TMEM25: variants seen among roughly 807,000 people sequenced by gnomAD.
TMEM25 encodes the protein transmembrane protein 25.
In TMEM25, 36 loss-of-function variants were observed where a neutral mutation model predicts 37.0. The ratio of observed to expected loss-of-function variants is 0.97; its 90% CI spans 0.75 to 1.28. TMEM25 has a LOEUF of 1.28. TMEM25 is among the 50% of genes most tolerant of loss of function. The pLI is 0.00. For missense variants in TMEM25, 444 were observed against 477.9 expected (o/e 0.93, Z 0.66); for synonymous variants, 197 against 203.7 (o/e 0.97, Z 0.28).
chr11:118,534,517 C>G lies in TMEM25; in HGVS notation c.1038C>G (p.Arg346=). The part of the protein sequence containing the change: ...GGLLTSQGFI[R]LPVLGYIYRV... ...TCTTTGATCCCGCAGGTTTCATCCG[C>G]CTCCCAGTGCTGGGCTATATCTATC... Residue 346 remains arginine (R), a synonymous_variant, in exon 9 of 9, where the codon CGC becomes CGG. Coordinates refer to ENST00000313236, the MANE Select transcript of TMEM25 (RefSeq NM_032780.4). The surrounding 1 kb of genome is among the most constrained non-coding windows in gnomAD (Gnocchi z 4.6). 6.2e-7 allele frequency: 1 copy of G among 1,614,244 alleles called. No individual in the cohort carries two copies. The highest frequency in any genetic ancestry group is 8.5e-7 in the Non-Finnish European group (1 of 1,180,044).
At chr11:118,533,924 G>A (rs368260015) in intron 6 of TMEM25, 37 bp downstream of exon 6, 21 of 1,613,976 alleles carry the variant, frequency 1.3e-5, no homozygotes, top group African/African-American at 5.3e-5. Flanking sequence ...AAGCCTAACC[G>A]AAATGCAGGA....
chr11:118,544,135 A>G (rs1288478492), intron 8 of TMEM25, among the ~76,000 whole-genome samples: 1 of 152,168 alleles, frequency 6.6e-6, no homozygotes, highest in Admixed American at 6.6e-5. Flanking sequence ...AATAACTAGC[A>G]TGGTTTCAGA....
At chr11:118,541,195 G>C (rs1359912749) in intron 8 of TMEM25, among the ~76,000 whole-genome samples, 1 of 152,156 alleles carries the variant, frequency 6.6e-6, no homozygotes, top group Non-Finnish European at 1.5e-5. Context: ...AGGCGCCGTG[G>C]CTCATGCCTG....
downstream of TMEM25, chr11:118,546,685 G>C (rs1407775137): frequency 1.3e-5 from 2 of 153,994 alleles, no homozygotes; most frequent in African/African-American, 2.4e-5. Flanking sequence ...TATGGAATTG[G>C]TCATATGTTT....
At chr11:118,543,248 C>A (rs1480778469) in intron 8 of TMEM25, among the ~76,000 whole-genome samples, 1 of 152,144 alleles carries the variant, frequency 6.6e-6, no homozygotes, top group Non-Finnish European at 1.5e-5. Context: ...TCCTTAAACT[C>A]AAGCATGATG....
chr11:118,542,838 A>C (rs1591352410), intron 8 of TMEM25, among the ~76,000 whole-genome samples: 1 of 149,486 alleles, frequency 6.7e-6, no homozygotes, highest in Non-Finnish European at 1.5e-5. Context: ...GCTTGAACCC[A>C]GAAGGCAGAG....
downstream of TMEM25, chr11:118,546,545 C>T (rs1951691208): frequency 4.8e-6 from 1 of 208,910 alleles, no homozygotes; most frequent in Admixed American, 5.2e-5. Context: ...TGATCTTGGA[C>T]TACTACTGGA....
intron 8 of TMEM25, among the ~76,000 whole-genome samples, chr11:118,541,305 A>G (rs1317884853): frequency 6.6e-6 from 1 of 151,998 alleles, no homozygotes; most frequent in Admixed American, 6.6e-5. Context: ...TACTAAAAAT[A>G]CAAAAAATTA....
At position 118,535,786 on chromosome 11, in the gene TMEM25, C is replaced by A; in HGVS notation, c.*1206C>A. On this transcript the variant is annotated 3_prime_UTR_variant, in exon 9 of 9. Coordinates refer to ENST00000313236, the MANE Select transcript of TMEM25 (RefSeq NM_032780.4). ...ATGTTTTTCATGTTACTGCCTAGGG[C>A]GGTGCTGAGCACACAGCAAGTTTAA... is the stretch of plus-strand genomic sequence containing the variant. 1 of 1,300,290 alleles carries A rather than the reference C, an allele frequency of 7.7e-7. No individual in the cohort carries two copies. The highest frequency in any genetic ancestry group is 9.7e-7 in the Non-Finnish European group (1 of 1,026,330). 80.5% of individuals were successfully genotyped at this position (1,300,290 alleles called of 1,614,324 possible). A position where few individuals can be genotyped will look rare whatever the true frequency, so the allele number is the denominator to read the frequency against.
At chr11:118,532,038 C>T (rs566218899) in intron 2 of TMEM25, 112 bp from the exon 3 acceptor site, 3 of 1,377,714 alleles carry the variant, frequency 2.2e-6, no homozygotes, top group African/African-American at 1.5e-5. Flanking sequence ...GGTGAGAGGA[C>T]TCAGGTGCCC....
Position 118,532,195 on chromosome 11 carries a change from A to G in TMEM25, c.116A>G (p.Glu39Gly). The G allele has an allele frequency of 6.2e-7, 1 of 1,603,508 alleles. No homozygotes were observed. The highest frequency in any genetic ancestry group is 8.5e-7 in the Non-Finnish European group (1 of 1,174,174). The change falls in exon 3 of 9, where the codon GAG becomes GGG. Residue 39 changes from glutamate (E) to glycine (G), a missense_variant. Transcript: ENST00000313236. Reference sequence around the variant, plus strand: ...CAAATAGATGGTCAGACCTGGGCTGAGCGGGCACTTCGGGAGAATGAACGC... The same window carrying G: ...CAAATAGATGGTCAGACCTGGGCTGGGCGGGCACTTCGGGAGAATGAACGC... ...EPQIDGQTWA[E>G]RALRENERHA...
At chr11:118,544,996 C>A in intron 8 of TMEM25, 10 of 1,612,046 alleles carry the variant, frequency 6.2e-6, no homozygotes, top group South Asian at 1.1e-5. Flanking sequence ...TTGCCTTCAG[C>A]GAGAGCTTTA....
At chr11:118,546,098 G>C (rs1951677930) in intron 8 of TMEM25, 1 of 718,516 alleles carries the variant, frequency 1.4e-6, no homozygotes, top group Non-Finnish European at 2.6e-6. Context: ...CCTTAATCCA[G>C]TATGACTGGT....
intron 5 of TMEM25, 115 bp downstream of exon 5, chr11:118,533,666 G>A: frequency 6.3e-7 from 1 of 1,589,790 alleles, no homozygotes; most frequent in Non-Finnish European, 8.6e-7. Flanking sequence ...CACTTCCAGG[G>A]GGTGGCCATG....
chr11:118,536,834 A>G (rs1234505657), downstream of TMEM25, among the ~76,000 whole-genome samples: 1 of 152,126 alleles, frequency 6.6e-6, no homozygotes, highest in African/African-American at 2.4e-5. Flanking sequence ...GTTCATTGAA[A>G]TTTTGTAACA....
At chr11:118,533,742 C>G in intron 5 of TMEM25, 115 bp from the exon 6 acceptor site, 1 of 1,582,512 alleles carries the variant, frequency 6.3e-7, no homozygotes, top group Non-Finnish European at 8.7e-7. Flanking sequence ...GGCCCCAGGG[C>G]CAGGCCTGGG....
Position 118,535,786 on chromosome 11 carries a change from C to T in TMEM25, c.*1206C>T, listed in dbSNP as rs1471728268. On this transcript the variant is annotated 3_prime_UTR_variant, in exon 9 of 9. Coordinates refer to ENST00000313236, the MANE Select transcript of TMEM25 (RefSeq NM_032780.4). ...ATGTTTTTCATGTTACTGCCTAGGGCGGTGCTGAGCACACAGCAAGTTTAA... is the reference window on the plus strand; with the variant it reads ...ATGTTTTTCATGTTACTGCCTAGGGTGGTGCTGAGCACACAGCAAGTTTAA... 13 of 1,300,172 alleles carry T rather than the reference C, an allele frequency of 1.0e-5. No individual in the cohort carries two copies. Among genetic ancestry groups the T allele is most frequent in the Non-Finnish European group, 1.3e-5 (13 of 1,026,338 alleles). The allele number at this position is 1,300,172 out of a possible 1,614,324, so 80.5% of individuals were successfully genotyped here. A position where few individuals can be genotyped will look rare whatever the true frequency, so the allele number is the denominator to read the frequency against.
intron 2 of TMEM25, 88 bp from the exon 3 acceptor site, chr11:118,532,062 G>T: frequency 3.5e-6 from 5 of 1,428,018 alleles, no homozygotes; most frequent in Non-Finnish European, 4.6e-6. Flanking sequence ...CCTTTGGCCT[G>T]CTGCTCTTCT....
chr11:118,531,574 G>T (rs1336558359), intron 1 of TMEM25: 2 of 570,124 alleles, frequency 3.5e-6, no homozygotes, highest in Non-Finnish European at 6.3e-6. Context: ...TCGCTTCTGC[G>T]CCTGCAGGAT....
Sources: gnomAD v4.1 joint callset for allele counts (sites outside exome capture counted in the v4.1 genomes callset) on GRCh38, gnomAD v4.1.1 for gene constraint, Gnocchi (gnomAD v3.1) non-coding constraint, MANE v1.5 for transcripts, NCBI Gene and HGNC (gene_info 2026-07-23, HGNC 2026-07-21) for gene names.